The following IL1RAPL2 variants were observed in gnomAD, a reference collection of about 807,000 sequenced individuals.
IL1RAPL2 encodes the protein X-linked interleukin-1 receptor accessory protein-like 2.
A neutral mutation model predicts 44.1 loss-of-function variants in IL1RAPL2; 3 were observed. The ratio of observed to expected loss-of-function variants is 0.07; its 90% confidence interval spans 0.03 to 0.18. The LOEUF is 0.18. Among genes scored for constraint, IL1RAPL2 ranks in the 10% least tolerant of loss-of-function variants. The pLI is 1.00. For missense variants in IL1RAPL2, 391 were observed against 496.4 expected (o/e 0.79, Z 2.02); for synonymous variants, 181 against 178.8 (o/e 1.01, Z -0.10).
intron 6 of IL1RAPL2, among the ~76,000 whole-genome samples, chrX:105,687,410 C>T (rs1455132915): frequency 1.8e-5 from 2 of 110,948 alleles, no homozygotes; most frequent in Non-Finnish European, 3.8e-5. Context: ...CCACCGATCC[C>T]GCAGATATGA....
At chrX:105,392,541 A>G (rs2035533646) in intron 5 of IL1RAPL2, among the ~76,000 whole-genome samples, 1 of 111,920 alleles carries the variant, frequency 8.9e-6, no homozygotes. Context: ...TTTCACGTTT[A>G]AGACATTGTA....
intron 6 of IL1RAPL2, among the ~76,000 whole-genome samples, chrX:105,516,800 G>GT (rs1278316871): frequency 3.6e-5 from 4 of 111,553 alleles, no homozygotes; most frequent in Non-Finnish European, 7.5e-5. Flanking sequence ...TTTCATAGAC[G>GT]TTTTTTGCAA....
At chrX:105,354,849 A>T (rs1416763104) in intron 5 of IL1RAPL2, among the ~76,000 whole-genome samples, 1 of 110,772 alleles carries the variant, frequency 9.0e-6, no homozygotes, top group African/African-American at 3.3e-5. Flanking sequence ...TTATCAGCAT[A>T]TTATGTCTTG....
intron 1 of IL1RAPL2, among the ~76,000 whole-genome samples, chrX:104,591,372 C>T (rs1415596185): frequency 9.0e-6 from 1 of 111,471 alleles, no homozygotes; most frequent in Admixed American, 9.6e-5. Flanking sequence ...TTCCATGCCC[C>T]GCTAGCATGC....
At chrX:105,117,918 A>G (rs1305665572) in intron 2 of IL1RAPL2, among the ~76,000 whole-genome samples, 1 of 112,009 alleles carries the variant, frequency 8.9e-6, no homozygotes, top group Non-Finnish European at 1.9e-5. Flanking sequence ...AGCTTAAGGG[A>G]TATTGTTGAG....
In IL1RAPL2 at chrX:104,845,948, T is replaced by C. The variant is rs549252827; in HGVS notation, c.82+186953T>C. On this transcript the variant is annotated intron_variant, in intron 2 of 10. Coordinates refer to ENST00000372582, the MANE Select transcript of IL1RAPL2 (RefSeq NM_017416.2). ...CTAAGAGTCAGTGTCAAAACTCTTTTAGCCATATTTGAGCAACAAGAGAGA... is the reference window on the plus strand; with the variant it reads ...CTAAGAGTCAGTGTCAAAACTCTTTCAGCCATATTTGAGCAACAAGAGAGA... Among the ~76,000 whole-genome samples the C allele has an allele frequency of 1.8e-5, 2 of 111,773 alleles. 1 individual carries two copies. The highest frequency in any genetic ancestry group is 7.7e-4 in the South Asian group (2 of 2,609).
chrX:105,413,445 A>AGAGG (rs1320655606), intron 5 of IL1RAPL2, among the ~76,000 whole-genome samples: 1 of 111,449 alleles, frequency 9.0e-6, no homozygotes, highest in African/African-American at 3.3e-5. Flanking sequence ...TGACAGCAGG[A>AGAGG]GAGGGAGTCA....
intron 2 of IL1RAPL2, among the ~76,000 whole-genome samples, chrX:105,154,133 T>C (rs1602981548): frequency 3.6e-5 from 4 of 111,713 alleles, no homozygotes; most frequent in African/African-American, 1.3e-4. Context: ...ACAAATATTC[T>C]GTTTTATCGG....
intron 2 of IL1RAPL2, among the ~76,000 whole-genome samples, chrX:104,788,516 C>T (rs1268166228): frequency 8.9e-6 from 1 of 112,239 alleles, no homozygotes; most frequent in Non-Finnish European, 1.9e-5. Context: ...GCAAAGTACT[C>T]ATCAACTATA....
chrX:105,694,749 A>G (rs1356781222), intron 6 of IL1RAPL2, among the ~76,000 whole-genome samples: 2 of 111,667 alleles, frequency 1.8e-5, no homozygotes, highest in African/African-American at 6.5e-5. Flanking sequence ...GTACAGCAAC[A>G]TCAACACCTT....
chrX:105,563,932 C>T (rs2036956750), intron 6 of IL1RAPL2, among the ~76,000 whole-genome samples: 1 of 111,723 alleles, frequency 9.0e-6, no homozygotes, highest in South Asian at 3.7e-4. Context: ...TAGTCTTAGT[C>T]GATTTGGGCT....
At chrX:105,034,998 C>T (rs1252531841) in intron 2 of IL1RAPL2, among the ~76,000 whole-genome samples, 6 of 86,835 alleles carry the variant, frequency 6.9e-5, no homozygotes, top group Non-Finnish European at 1.3e-4. Context: ...GACTGCTGTG[C>T]TAGCAATCAG....
intron 2 of IL1RAPL2, among the ~76,000 whole-genome samples, chrX:104,899,362 A>G (rs1210614470): frequency 3.6e-5 from 4 of 112,243 alleles, no homozygotes; most frequent in African/African-American, 1.3e-4. Context: ...GAATATCATT[A>G]CAAATTTTAT....
In IL1RAPL2 at chrX:104,699,211, T is replaced by C. The variant is rs180836691; in HGVS notation, c.82+40216T>C. 2.4e-3 allele frequency among the ~76,000 whole-genome samples: 263 copies of C among 111,807 alleles called. 2 individuals carry two copies. The highest frequency in any genetic ancestry group is 2.2e-3 in the Non-Finnish European group (116 of 53,166). ...GTAGGCATGATTCAAGTGCATTACA[T>C]TTATCATGTACTTTATTTCTATTAT... On this transcript the variant is annotated intron_variant, in intron 2 of 10. Transcript: ENST00000372582.
chrX:105,128,471 A>G (rs1234876631), intron 2 of IL1RAPL2, among the ~76,000 whole-genome samples: 2 of 111,264 alleles, frequency 1.8e-5, no homozygotes, highest in African/African-American at 6.5e-5. Flanking sequence ...AAATTATGCT[A>G]TGTACACTTC....
intron 2 of IL1RAPL2, among the ~76,000 whole-genome samples, chrX:105,032,062 C>T (rs750708892): frequency 1.5e-4 from 17 of 111,329 alleles, no homozygotes; most frequent in African/African-American, 3.9e-4. Flanking sequence ...TCTGTGGGAT[C>T]GCTGGTGATA....
At position 105,223,740 on chromosome X, in the gene IL1RAPL2, G is replaced by A. The variant is rs781870376; in HGVS notation, c.357-10078G>A. Among the ~76,000 whole-genome samples, 6 of 111,575 alleles carry A rather than the reference G, an allele frequency of 5.4e-5. No homozygotes were observed. The South Asian group carries it at 2.2e-3, about 42-fold the overall frequency. On this transcript the variant is annotated intron_variant, in intron 3 of 10. Coordinates refer to ENST00000372582, the MANE Select transcript of IL1RAPL2 (RefSeq NM_017416.2). ...GATAACAAGAGATTTTTGACATACAGTTAGCATGACTTGTTAACCAATTGT... is the reference window on the plus strand; with the variant it reads ...GATAACAAGAGATTTTTGACATACAATTAGCATGACTTGTTAACCAATTGT...
chrX:104,637,026 C>A (rs963065610), intron 1 of IL1RAPL2, among the ~76,000 whole-genome samples: 2 of 110,289 alleles, frequency 1.8e-5, no homozygotes, highest in Non-Finnish European at 3.8e-5. Context: ...TTGTAGCAAT[C>A]CTCCACCTCA....
intron 2 of IL1RAPL2, among the ~76,000 whole-genome samples, chrX:105,129,266 C>T (rs970169617): frequency 9.1e-6 from 1 of 110,322 alleles, no homozygotes; most frequent in African/African-American, 3.3e-5. Flanking sequence ...TAGAGGGAAA[C>T]TTCTTGCTGA....
Sources: gnomAD v4.1 joint callset for allele counts (sites outside exome capture counted in the v4.1 genomes callset) on GRCh38, gnomAD v4.1.1 for gene constraint, MANE v1.5 for transcripts, NCBI Gene and HGNC (gene_info 2026-07-23, HGNC 2026-07-21) for gene names.